ASIC5: variants seen among roughly 807,000 people sequenced by gnomAD.
ASIC5 encodes the protein acid sensing ion channel subunit family member 5, also known as bile acid-sensitive ion channel.
A neutral mutation model predicts 51.2 loss-of-function variants in ASIC5; 52 were observed. The observed-to-expected ratio is 1.02, with a 90% confidence interval of 0.81 to 1.28. ASIC5 has a LOEUF of 1.28. ASIC5 is among the 50% of genes most tolerant of loss of function. The pLI, the probability that ASIC5 is intolerant of heterozygous loss-of-function variation, is 0.00. For missense variants in ASIC5, 635 were observed against 595.0 expected, an observed-to-expected ratio of 1.07 and a Z score of -0.70; for synonymous variants, 231 against 200.7, an observed-to-expected ratio of 1.15 and a Z score of -1.28.
At chr4:155,859,311 AT>A (rs1365756294) in intron 2 of ASIC5, among the ~76,000 whole-genome samples, 1 of 151,944 alleles carries the variant, frequency 6.6e-6, no homozygotes, top group Non-Finnish European at 1.5e-5. Flanking sequence ...ATTTTTTAAC[AT>A]TTTTATTGAC....
rs72681536 is a variant in ASIC5, at chr4:155,854,502, C to T, written c.348-188G>A. On this transcript the variant is annotated intron_variant, in intron 2 of 9. Transcript: ENST00000537611. ...CATTGTGCAATTAATCTTGTATTTG[C>T]ACATGTAGTTTCATTTACCTAGAAT... Among the ~76,000 whole-genome samples the T allele has an allele frequency of 5.2e-3, 787 of 152,158 alleles. 1 individual carries two copies. The highest frequency in any genetic ancestry group is 8.1e-3 in the Non-Finnish European group (553 of 67,972).
intron 6 of ASIC5, among the ~76,000 whole-genome samples, chr4:155,840,179 C>T (rs924296951): frequency 2.6e-5 from 4 of 151,986 alleles, no homozygotes; most frequent in Non-Finnish European, 5.9e-5. Context: ...ATAATCATAA[C>T]TTTTAAAATT....
At chr4:155,846,679 C>T (rs996519655) in intron 4 of ASIC5, among the ~76,000 whole-genome samples, 7 of 151,932 alleles carry the variant, frequency 4.6e-5, no homozygotes, top group African/African-American at 9.7e-5. Context: ...TCATGACTAT[C>T]GTAGTTTTCC....
Position 155,863,468 on chromosome 4 carries a change from C to G in ASIC5, c.327G>C (p.Val109=). 1 of 1,611,292 alleles carries G rather than the reference C, an allele frequency of 6.2e-7. No homozygotes were observed. Among genetic ancestry groups the G allele is most frequent in the Non-Finnish European group, 8.5e-7 (1 of 1,178,156 alleles). ...QYVEKMEFPA[V]TFCNLNRFQT... ...TTTACCTGTTCAAATTACAAAATGTCACAGCTGGGAACTCCATCTTTTCCA... is the reference window on the plus strand; with the variant it reads ...TTTACCTGTTCAAATTACAAAATGTGACAGCTGGGAACTCCATCTTTTCCA... The change falls in exon 2 of 10, where the codon GTG becomes GTC. Residue 109 remains valine (V), a synonymous_variant. Transcript: ENST00000537611.
chr4:155,858,688 G>T (rs1333523314), intron 2 of ASIC5, among the ~76,000 whole-genome samples: 1 of 151,828 alleles, frequency 6.6e-6, no homozygotes, highest in African/African-American at 2.4e-5. Context: ...AAAAAGGAAA[G>T]AACAAAAAGG....
chr4:155,849,070 C>T (rs1339110710), intron 4 of ASIC5, among the ~76,000 whole-genome samples: 1 of 152,018 alleles, frequency 6.6e-6, no homozygotes, highest in Non-Finnish European at 1.5e-5. Context: ...TGTAACAGGA[C>T]ACAATTGGAG....
intron 6 of ASIC5, among the ~76,000 whole-genome samples, chr4:155,840,451 TTTTTATATTTTATATATA>T (rs1741091159): frequency 2.0e-5 from 3 of 147,338 alleles, no homozygotes; most frequent in South Asian, 4.2e-4. Context: ...TAATATATAT[TTTTTATATTTTATATATA>T]TTTTATATTT....
intron 2 of ASIC5, among the ~76,000 whole-genome samples, chr4:155,858,199 C>T (rs1741595945): frequency 6.6e-6 from 1 of 151,994 alleles, no homozygotes; most frequent in Non-Finnish European, 1.5e-5. Flanking sequence ...TACCAAAGAA[C>T]CAAGTCACAA....
chr4:155,830,037 C>A lies in ASIC5; in HGVS notation c.1337G>T (p.Gly446Val). 1 of 1,542,238 alleles carries A rather than the reference C, an allele frequency of 6.5e-7. No individual in the cohort carries two copies. Among genetic ancestry groups the A allele is most frequent in the Non-Finnish European group, 8.7e-7 (1 of 1,147,082 alleles). Residue 446 changes from glycine to valine, a missense_variant, in exon 10 of 10, where the codon GGT becomes GTT. Physicochemically the swap from Gly to Val is moderately radical, Grantham distance 109 (BLOSUM62 -3). Coordinates refer to ENST00000537611, the MANE Select transcript of ASIC5 (RefSeq NM_017419.3). ...VSVSELLADL[G>V]GQLGLFCGAS... ...CCCACAAAATAGACCCAGCTGACCA[C>A]CAAGATCTGCTGTAATAAAACCAAT...
At chr4:155,846,969 G>A (rs1014449791) in intron 4 of ASIC5, among the ~76,000 whole-genome samples, 5 of 151,990 alleles carry the variant, frequency 3.3e-5, no homozygotes, top group Admixed American at 3.3e-4. Context: ...AAAAAGAGAT[G>A]TAAAGAAAGC....
At chr4:155,840,624 G>T (rs1741094994) in intron 6 of ASIC5, among the ~76,000 whole-genome samples, 1 of 151,608 alleles carries the variant, frequency 6.6e-6, no homozygotes. Context: ...ACTTTGGGAG[G>T]AACTTAGTTT....
intron 1 of ASIC5, among the ~76,000 whole-genome samples, chr4:155,864,170 T>A (rs1376061733): frequency 2.0e-5 from 3 of 152,220 alleles, no homozygotes; most frequent in African/African-American, 7.2e-5. Flanking sequence ...GTCCTAAGTA[T>A]GGCTAAAAGT....
At chr4:155,837,142 TATCA>T (rs1450666659) in intron 7 of ASIC5, among the ~76,000 whole-genome samples, 24 of 17,350 alleles carry the variant, frequency 1.4e-3, no homozygotes, top group Non-Finnish European at 4.4e-4. Context: ...TTCTGTAAAA[TATCA>T]GATATTTGGA....
rs901448714 is a variant in ASIC5 at position 155,831,820 on chromosome 4, T to C, written c.1327+4A>G. 4 of 1,550,948 alleles carry C rather than the reference T, an allele frequency of 2.6e-6. No individual in the cohort carries two copies. Among genetic ancestry groups the C allele is most frequent in the East Asian group, 4.5e-5 (2 of 44,230 alleles). ...AAAATAAGGAGCAATTAAATAACACTTACCAAGTAACTCAGACACACTCAC... is the reference window on the plus strand; with the variant it reads ...AAAATAAGGAGCAATTAAATAACACCTACCAAGTAACTCAGACACACTCAC... On this transcript the variant is annotated splice_donor_region_variant and intron_variant, in intron 9 of 9. Coordinates refer to ENST00000537611, the MANE Select transcript of ASIC5 (RefSeq NM_017419.3).
chr4:155,832,554 C>G (rs1450811641), intron 8 of ASIC5, among the ~76,000 whole-genome samples: 1 of 152,092 alleles, frequency 6.6e-6, no homozygotes, highest in Non-Finnish European at 1.5e-5. Flanking sequence ...CTTGAAAGCC[C>G]TCACTTTCTC....
intron 2 of ASIC5, chr4:155,858,926 A>C (rs1227338038): frequency 6.6e-6 from 1 of 152,052 alleles, no homozygotes; most frequent in African/African-American, 2.4e-5. Flanking sequence ...TTCTAGTTCT[A>C]TATTTGTCCT....
At chr4:155,843,465 A>G (rs1345128085) in intron 5 of ASIC5, among the ~76,000 whole-genome samples, 4 of 152,066 alleles carry the variant, frequency 2.6e-5, no homozygotes, top group Admixed American at 2.6e-4. Flanking sequence ...TGAAATGTAA[A>G]GTTTGGATTT....
At chr4:155,857,324 A>G (rs912627266) in intron 2 of ASIC5, among the ~76,000 whole-genome samples, 3 of 151,964 alleles carry the variant, frequency 2.0e-5, no homozygotes, top group Non-Finnish European at 4.4e-5. Flanking sequence ...GAGTTTTACC[A>G]TGTTGCCTGG....
At chr4:155,852,706 AC>A (rs35186010) in intron 3 of ASIC5, among the ~76,000 whole-genome samples, 110,352 of 151,718 alleles carry the variant, frequency 0.73, 43,282 homozygotes, top group Non-Finnish European at 0.87. Context: ...CAATCACATG[AC>A]CCTTTTACTC....
Sources: allele counts gnomAD v4.1 joint callset (sites outside exome capture counted in the v4.1 genomes callset), GRCh38; gene constraint gnomAD v4.1.1; transcripts MANE v1.5; gene names NCBI Gene and HGNC (gene_info 2026-07-23, HGNC 2026-07-21).